DUSP29: variants seen among roughly 807,000 people sequenced by gnomAD.
The protein encoded by DUSP29 is atypical dual-specific protein phosphatase.
DUSP29 carries 12 observed loss-of-function variants against 13.5 expected under a neutral mutation model. The ratio of observed to expected loss-of-function variants is 0.89; its 90% CI spans 0.57 to 1.44. DUSP29 has a LOEUF of 1.44. Among genes scored for constraint, DUSP29 ranks in the 40% most tolerant of loss-of-function variants. The pLI is 0.00. For missense variants in DUSP29, 308 were observed against 301.1 expected (o/e 1.02, Z -0.17); for synonymous variants, 134 against 128.7 (o/e 1.04, Z -0.28).
intron 1 of DUSP29, among the ~76,000 whole-genome samples, chr10:75,064,651 A>G (rs981685592): frequency 2.0e-5 from 3 of 152,158 alleles, no homozygotes; most frequent in Non-Finnish European, 4.4e-5. Flanking sequence ...GAGCCACTGC[A>G]CCTGGCTTAT....
chr10:75,048,669 G>C (rs1039806589), intron 2 of DUSP29, among the ~76,000 whole-genome samples: 5 of 152,176 alleles, frequency 3.3e-5, no homozygotes, highest in Non-Finnish European at 7.3e-5. Context: ...CAAACCCAGT[G>C]GAGTCTTAAC....
chr10:75,071,121 C>T (rs1208563334), intron 1 of DUSP29, among the ~76,000 whole-genome samples: 5 of 152,232 alleles, frequency 3.3e-5, no homozygotes, highest in African/African-American at 7.2e-5. Flanking sequence ...CTCTGAGGCA[C>T]GCTGGGTTCT....
intron 2 of DUSP29, among the ~76,000 whole-genome samples, chr10:75,056,867 T>G (rs1008608481): frequency 6.6e-6 from 1 of 152,160 alleles, no homozygotes; most frequent in Non-Finnish European, 1.5e-5. Flanking sequence ...AAGCATGTCA[T>G]ATTTGTAACT....
intron 1 of DUSP29, among the ~76,000 whole-genome samples, chr10:75,060,448 G>A (rs1359268221): frequency 6.7e-6 from 1 of 148,508 alleles, no homozygotes; most frequent in Non-Finnish European, 1.5e-5. Context: ...TGCTCTCCTG[G>A]GCAACACAGT....
chr10:75,069,616 G>A (rs755228), intron 1 of DUSP29, among the ~76,000 whole-genome samples: 51,953 of 152,024 alleles, frequency 0.34, 9,805 homozygotes, highest in East Asian at 0.68. Flanking sequence ...TTGGGAAGGC[G>A]AGGGGCTAAG....
Position 75,043,802 on chromosome 10 carries a change from T to C in DUSP29, c.416A>G (p.Asp139Gly), listed in dbSNP as rs1222629481. The C allele has an allele frequency of 2.5e-6, 4 of 1,612,030 alleles. No homozygotes were observed. Among genetic ancestry groups the C allele is most frequent in the Non-Finnish European group, 3.4e-6 (4 of 1,179,782 alleles). ...AAFIDRALSD[D>G]HSKILVHCVM... is the part of the protein sequence containing the mutation. ...CGGGGCCGCGGGTCTCTTACTGTGGTCGTCGCTTAGCGCTCTGTCGATGAA... is the reference window on the plus strand; with the variant it reads ...CGGGGCCGCGGGTCTCTTACTGTGGCCGTCGCTTAGCGCTCTGTCGATGAA... Residue 139 changes from aspartate (D) to glycine (G), a missense_variant, in exon 3 of 4, where the codon GAC (aspartate) becomes GGC (glycine). By Grantham distance (94) the Asp-to-Gly change is moderately conservative (BLOSUM62 -1). Transcript: ENST00000338487.
chr10:75,065,629 ATCTT>A (rs1159606095), intron 1 of DUSP29, among the ~76,000 whole-genome samples: 6 of 152,074 alleles, frequency 3.9e-5, no homozygotes, highest in Non-Finnish European at 8.8e-5. Context: ...GCGCCCAGCC[ATCTT>A]AATATTTTGA....
chr10:75,053,158 A>C (rs1291919650), intron 2 of DUSP29, among the ~76,000 whole-genome samples: 1 of 152,232 alleles, frequency 6.6e-6, no homozygotes, highest in Non-Finnish European at 1.5e-5. Flanking sequence ...GGGGTGAGCT[A>C]TTAGACTAGC....
At chr10:75,059,505 C>T (rs1220952462) in intron 1 of DUSP29, among the ~76,000 whole-genome samples, 1 of 152,210 alleles carries the variant, frequency 6.6e-6, no homozygotes, top group East Asian at 1.9e-4. Flanking sequence ...GTGCCAGACA[C>T]TATTCCAAGT....
chr10:75,055,737 G>C (rs1193350169), intron 2 of DUSP29, among the ~76,000 whole-genome samples: 5 of 152,072 alleles, frequency 3.3e-5, no homozygotes, highest in Non-Finnish European at 2.9e-5. Flanking sequence ...TGAACTTTAT[G>C]GTCTATGAAT....
At chr10:75,058,232 C>T (rs1847005963) in intron 2 of DUSP29, 83 bp downstream of exon 2, 1 of 1,492,282 alleles carries the variant, frequency 6.7e-7, no homozygotes, top group African/African-American at 1.4e-5. Flanking sequence ...AATTCCAAAG[C>T]CCATGGCTAG....
chr10:75,040,536 G>C (rs1006040300), intron 3 of DUSP29, among the ~76,000 whole-genome samples: 4 of 152,216 alleles, frequency 2.6e-5, no homozygotes, highest in African/African-American at 9.7e-5. Flanking sequence ...GATGAAGAGT[G>C]ACAAATTCAG....
At chr10:75,058,790 G>A (rs1049413835) in intron 1 of DUSP29, among the ~76,000 whole-genome samples, 1 of 152,216 alleles carries the variant, frequency 6.6e-6, no homozygotes, top group Non-Finnish European at 1.5e-5. Flanking sequence ...GTCCTTGGAC[G>A]TGGGCCAAGG....
chr10:75,043,859 T>G lies in DUSP29; in HGVS notation c.359A>C (p.Asp120Ala). The G allele has an allele frequency of 6.2e-7, 1 of 1,613,858 alleles. No homozygotes were observed. The highest frequency in any genetic ancestry group is 1.7e-4 in the Middle Eastern group (1 of 6,042). ...GVEADDLPTF[D>A]LSVFFYPAAA... ...CGCCGGGTAGAAGAAGACACTGAGG[T>G]CGAAGGTGGGCAGGTCGTCGGCCTC... Residue 120 changes from aspartate (D) to alanine (A), a missense_variant, in exon 3 of 4, where the codon GAC becomes GCC. Asp to Ala is a moderately radical substitution (Grantham distance 126). Transcript: ENST00000338487.
At chr10:75,070,761 G>A (rs1338716611) in intron 1 of DUSP29, among the ~76,000 whole-genome samples, 3 of 152,166 alleles carry the variant, frequency 2.0e-5, no homozygotes, top group Admixed American at 1.3e-4. Context: ...CGCCTCCTGC[G>A]TGACATGCAA....
intron 3 of DUSP29, 31 bp downstream of exon 3, chr10:75,043,766 G>C: frequency 5.3e-6 from 8 of 1,512,944 alleles, no homozygotes; most frequent in Non-Finnish European, 7.1e-6. Context: ...GCGGGGCGGG[G>C]CCGATCGGGG....
chr10:75,073,381 A>G (rs1847376641), intron 1 of DUSP29, among the ~76,000 whole-genome samples, 188 bp downstream of exon 1: 1 of 152,260 alleles, frequency 6.6e-6, no homozygotes, highest in Non-Finnish European at 1.5e-5. Context: ...AGAAAGGGAA[A>G]TGGAGAAAAT....
At chr10:75,040,152 G>T (rs1311090226) in intron 3 of DUSP29, among the ~76,000 whole-genome samples, 1 of 151,994 alleles carries the variant, frequency 6.6e-6, no homozygotes, top group African/African-American at 2.4e-5. Context: ...CTCCAGCCTG[G>T]GTGACAGAGC....
At position 75,048,454 on chromosome 10, in the gene DUSP29, G is replaced by A. The variant is rs574730470; in HGVS notation, c.201-4437C>T. ...GTCGCCCAGGCTGGAGTGCAGTGGC[G>A]CAATCTCGGCTCACTGCTCACTGCA... is the stretch of plus-strand genomic sequence containing the variant. On this transcript the variant is annotated intron_variant, in intron 2 of 3. Coordinates refer to ENST00000338487, the MANE Select transcript of DUSP29 (RefSeq NM_001003892.3). 6.6e-5 allele frequency among the ~76,000 whole-genome samples: 10 copies of A among 150,618 alleles called. No individual in the cohort carries two copies. In the East Asian group the frequency reaches 1.8e-3, roughly 26 times the overall value.
Sources: gnomAD v4.1 joint callset for allele counts (sites outside exome capture counted in the v4.1 genomes callset) on GRCh38, gnomAD v4.1.1 for gene constraint, MANE v1.5 for transcripts, NCBI Gene and HGNC (gene_info 2026-07-23, HGNC 2026-07-21) for gene names.